The following LRBA variants were observed in gnomAD, a reference collection of about 807,000 sequenced individuals.
The protein encoded by LRBA is LPS responsive beige-like anchor protein.
LRBA carries 176 observed loss-of-function variants against 330.0 expected under a neutral mutation model. That is an observed-to-expected ratio of 0.53 (90% CI 0.47 to 0.60). The LOEUF (loss-of-function observed/expected upper bound fraction) is 0.60, where lower values mean the gene tolerates loss of function less well. Ranked by LOEUF, LRBA falls within the 20% of genes least tolerant of loss-of-function variation. The pLI, the probability that LRBA is intolerant of heterozygous loss-of-function variation, is 0.00. For synonymous variants in LRBA, 1,230 were observed against 1,193.0 expected, an observed-to-expected ratio of 1.03 and a Z score of -0.64; for missense variants, 3,259 against 3,444.8, an observed-to-expected ratio of 0.95 and a Z score of 1.35.
At chr4:150,788,402 T>G (rs1739398233) in intron 34 of LRBA, among the ~76,000 whole-genome samples, 1 of 151,914 alleles carries the variant, frequency 6.6e-6, no homozygotes, top group South Asian at 2.1e-4. Context: ...CTGGCGCTAA[T>G]AAGATCTTAA....
intron 48 of LRBA, among the ~76,000 whole-genome samples, chr4:150,328,335 G>A (rs1421948174): frequency 6.6e-6 from 1 of 152,130 alleles, no homozygotes; most frequent in Non-Finnish European, 1.5e-5. Context: ...GAATGGCTCT[G>A]AGGTGAGAGA....
intron 46 of LRBA, chr4:150,422,581 C>T: frequency 3.7e-6 from 2 of 541,600 alleles, no homozygotes. Flanking sequence ...ACATCCTCCT[C>T]TCTGGACACT....
At position 150,599,076 on chromosome 4, in the gene LRBA, G is replaced by A. The variant is rs763695328; in HGVS notation, c.5977C>T (p.Arg1993Ter). 2 of 1,614,046 alleles carry A rather than the reference G, an allele frequency of 1.2e-6. No homozygotes were observed. The highest frequency in any genetic ancestry group is 1.7e-5 in the Admixed American group (1 of 60,016). The change falls in exon 38 of 57, where the codon CGA becomes TGA. Residue 1993 changes from arginine to a stop codon, truncating the protein, a stop_gained. Coordinates refer to ENST00000651943, the MANE Select transcript of LRBA (RefSeq NM_001364905.1). LOFTEE classifies it high-confidence loss of function. ...DYWEDDLRRRRRFVRNPLGST... is the reference protein window; with the variant it reads ...DYWEDDLRRR ...CCTAGAGGGTTACGCACAAATCGTCGCCGGCGCCGCAAGTCATCTTCCCAG... is the reference window on the plus strand; with the variant it reads ...CCTAGAGGGTTACGCACAAATCGTCACCGGCGCCGCAAGTCATCTTCCCAG...
At chr4:150,983,663 C>A (rs967465110) in intron 2 of LRBA, among the ~76,000 whole-genome samples, 1 of 151,596 alleles carries the variant, frequency 6.6e-6, no homozygotes, top group African/African-American at 2.4e-5. Context: ...CCATGTTGGC[C>A]AGGCTGGTCT....
chr4:150,336,640 T>G (rs953102758), intron 48 of LRBA, among the ~76,000 whole-genome samples: 3 of 152,210 alleles, frequency 2.0e-5, no homozygotes, highest in African/African-American at 7.2e-5. Flanking sequence ...TTATGGAAGT[T>G]ACTAATGTAA....
At chr4:150,980,300 A>C (rs1329515870) in intron 2 of LRBA, among the ~76,000 whole-genome samples, 2 of 152,194 alleles carry the variant, frequency 1.3e-5, no homozygotes, top group African/African-American at 4.8e-5. Context: ...AAAACCCTCA[A>C]AAAACTAGGG....
chr4:150,489,757 T>C (rs1179219116), intron 41 of LRBA, among the ~76,000 whole-genome samples: 2 of 134,262 alleles, frequency 1.5e-5, no homozygotes, highest in Non-Finnish European at 3.2e-5. Flanking sequence ...GAATATATTA[T>C]ACATATATAT....
At chr4:150,386,802 A>T (rs888209879) in intron 47 of LRBA, among the ~76,000 whole-genome samples, 7 of 152,194 alleles carry the variant, frequency 4.6e-5, no homozygotes, top group Admixed American at 1.3e-4. Flanking sequence ...TGCTGGGTCA[A>T]ATGGTGTGTC....
intron 36 of LRBA, among the ~76,000 whole-genome samples, chr4:150,694,963 AC>A (rs1784502337): frequency 6.6e-6 from 1 of 152,138 alleles, no homozygotes; most frequent in African/African-American, 2.4e-5. Flanking sequence ...ATTTGTAAAA[AC>A]AAGCCGACAC....
At chr4:150,609,774 A>G (rs1775043182) in intron 37 of LRBA, among the ~76,000 whole-genome samples, 1 of 152,212 alleles carries the variant, frequency 6.6e-6, no homozygotes, top group Non-Finnish European at 1.5e-5. Context: ...TAAAGAAGGT[A>G]AAGAACAGAC....
chr4:150,393,542 T>C (rs1744308497), intron 47 of LRBA, among the ~76,000 whole-genome samples: 1 of 147,640 alleles, frequency 6.8e-6, no homozygotes, highest in Non-Finnish European at 1.5e-5. Context: ...TATAGTGCAG[T>C]GGTATGATCC....
In LRBA at chr4:150,583,458, C is replaced by T. The variant is rs1771667878; in HGVS notation, c.6330+4590G>A. 1.9e-6 allele frequency: 3 copies of T among 1,613,884 alleles called. No homozygotes were observed. Among genetic ancestry groups the T allele is most frequent in the Non-Finnish European group, 2.5e-6 (3 of 1,180,032 alleles). ...TGGTGGCCCAGGCGGTGGACAAGTG[C>T]AGCTATCGGGATGTGGTCAAGATGA... On this transcript the variant is annotated intron_variant, in intron 40 of 56. Transcript: ENST00000651943. This position sits in a 1 kb window ranked among gnomAD's most constrained non-coding sequence, Gnocchi z 9.8.
rs573224476 is a variant in LRBA at position 150,747,443 on chromosome 4, T to C, written c.5646-12077A>G. ...AATTTATCTTTACACAACCAAAGCA[T>C]AGAACAGTGCCTGGGGACCCAGCAG... On this transcript the variant is annotated intron_variant, in intron 35 of 56. Transcript: ENST00000651943. Among the ~76,000 whole-genome samples the C allele has an allele frequency of 4.6e-5, 7 of 152,194 alleles. No individual in the cohort carries two copies. The South Asian group carries it at 6.2e-4, about 14-fold the overall frequency.
intron 36 of LRBA, among the ~76,000 whole-genome samples, chr4:150,721,926 C>G (rs1385624633): frequency 6.6e-6 from 1 of 152,174 alleles, no homozygotes; most frequent in African/African-American, 2.4e-5. Flanking sequence ...CAGAAATTTA[C>G]AACTTGAACT....
intron 22 of LRBA, among the ~76,000 whole-genome samples, chr4:150,865,994 G>C (rs539187994): frequency 1.3e-5 from 2 of 152,282 alleles, no homozygotes; most frequent in African/African-American, 2.4e-5. Context: ...GGGATTACAG[G>C]CGTGAGCCAC....
chr4:150,512,691 G>T (rs1418350586), intron 40 of LRBA, among the ~76,000 whole-genome samples: 1 of 133,164 alleles, frequency 7.5e-6, no homozygotes, highest in Non-Finnish European at 1.5e-5. Flanking sequence ...TGTTATAGCA[G>T]CCCAAACAAA....
At chr4:150,809,859 CG>C (rs1181483527) in intron 31 of LRBA, among the ~76,000 whole-genome samples, 1 of 13,420 alleles carries the variant, frequency 7.5e-5, no homozygotes, top group African/African-American at 3.6e-4. Flanking sequence ...AAATACGATA[CG>C]ATACGATACG....
At chr4:150,747,898 C>T (rs1732971818) in intron 35 of LRBA, among the ~76,000 whole-genome samples, 1 of 152,166 alleles carries the variant, frequency 6.6e-6, no homozygotes. Flanking sequence ...TCCTTGGTCT[C>T]CTATATTTCA....
chr4:150,770,064 G>A (rs1319953638), intron 34 of LRBA, among the ~76,000 whole-genome samples: 1 of 152,164 alleles, frequency 6.6e-6, no homozygotes, highest in Admixed American at 6.5e-5. Context: ...TCACCGGTGT[G>A]AGTCAGCATC....
Sources: allele counts gnomAD v4.1 joint callset (sites outside exome capture counted in the v4.1 genomes callset), GRCh38; gene constraint gnomAD v4.1.1; non-coding constraint Gnocchi (gnomAD v3.1); transcripts MANE v1.5; gene names NCBI Gene and HGNC (gene_info 2026-07-23, HGNC 2026-07-21).